LIN7A: variants seen among roughly 807,000 people sequenced by gnomAD.
The protein encoded by LIN7A is protein lin-7 homolog A.
LIN7A carries 25 observed loss-of-function variants against 29.8 expected under a neutral mutation model. That is an observed-to-expected ratio of 0.84 (90% confidence interval 0.61 to 1.17). LIN7A has a LOEUF of 1.17. Among genes scored for constraint, LIN7A ranks in the 50% most tolerant of loss-of-function variants. The pLI, the probability that LIN7A is intolerant of heterozygous loss-of-function variation, is 0.00. For missense variants in LIN7A, 239 were observed against 287.0 expected (o/e 0.83, Z 1.21); for synonymous variants, 118 against 107.5 (o/e 1.10, Z -0.60).
chr12:80,927,094 G>T (rs2120922584), intron 1 of LIN7A, among the ~76,000 whole-genome samples: 1 of 150,018 alleles, frequency 6.7e-6, no homozygotes, highest in African/African-American at 2.4e-5. Flanking sequence ...AAAATGATAT[G>T]GTTTTTCTCC....
At position 80,905,482 on chromosome 12, in the gene LIN7A, C is replaced by T. The variant is rs138028260; in HGVS notation, c.83-16113G>A. On this transcript the variant is annotated intron_variant, in intron 1 of 5. Transcript: ENST00000552864. ...AGATGTTTAAAAATAATAGATAATA[C>T]AGACACAAACATATATAATATATAT... 9.3e-3 allele frequency among the ~76,000 whole-genome samples: 1,414 copies of T among 152,044 alleles called. 15 individuals carry two copies. Among genetic ancestry groups the T allele is most frequent in the Admixed American group, 0.012 (180 of 15,256 alleles).
chr12:80,813,299 C>T (rs1260322009), intron 4 of LIN7A, among the ~76,000 whole-genome samples: 3 of 152,146 alleles, frequency 2.0e-5, no homozygotes, highest in Non-Finnish European at 2.9e-5. Context: ...GCGTAAGCCA[C>T]CGTGCCTGGT....
intron 4 of LIN7A, among the ~76,000 whole-genome samples, chr12:80,831,332 A>C (rs773804796): frequency 7.2e-5 from 11 of 152,252 alleles, no homozygotes; most frequent in South Asian, 4.1e-4. Flanking sequence ...TACTGAAAGC[A>C]GATGAATGTG....
At position 80,795,311 on chromosome 12, in the gene LIN7A, G is replaced by A. The variant is rs1592837578; in HGVS notation, c.*2416C>T. 1 of 151,968 alleles carries A rather than the reference G, an allele frequency of 6.6e-6. No homozygotes were observed. Among genetic ancestry groups the A allele is most frequent in the South Asian group, 2.1e-4 (1 of 4,818 alleles). 9.4% of individuals were successfully genotyped at this position (151,968 alleles called of 1,614,324 possible). On this transcript the variant is annotated 3_prime_UTR_variant, in exon 6 of 6. Coordinates refer to ENST00000552864, the MANE Select transcript of LIN7A (RefSeq NM_004664.4). ...TTTCAACCAACAAGATTTTACTGAA[G>A]GAAAATGGTCATTTGTATATGAGAC...
intron 1 of LIN7A, among the ~76,000 whole-genome samples, chr12:80,901,922 AGTAAAGCTTGAT>A (rs1268675057): frequency 6.6e-6 from 1 of 152,128 alleles, no homozygotes; most frequent in Non-Finnish European, 1.5e-5. Flanking sequence ...TAGAGGGCAA[AGTAAAGCTTGAT>A]GTTTGCAGAA....
intron 2 of LIN7A, among the ~76,000 whole-genome samples, chr12:80,857,218 T>A (rs1175267590): frequency 2.6e-5 from 4 of 152,298 alleles, no homozygotes; most frequent in South Asian, 4.1e-4. Context: ...ATATCTTAGA[T>A]TCAGAGTGGA....
At chr12:80,921,884 G>T (rs1224990863) in intron 1 of LIN7A, among the ~76,000 whole-genome samples, 1 of 152,186 alleles carries the variant, frequency 6.6e-6, no homozygotes, top group Non-Finnish European at 1.5e-5. Flanking sequence ...GCATGTATCT[G>T]TCAAACTCAG....
chr12:80,859,329 G>A (rs1036677157), intron 2 of LIN7A, among the ~76,000 whole-genome samples: 1 of 152,166 alleles, frequency 6.6e-6, no homozygotes, highest in African/African-American at 2.4e-5. Context: ...CATGGTAAAA[G>A]ATGTGGGTGG....
intron 1 of LIN7A, chr12:80,936,667 G>C (rs1426029219): frequency 1.3e-5 from 2 of 152,478 alleles, no homozygotes; most frequent in African/African-American, 4.8e-5. Flanking sequence ...CACACTCAGG[G>C]ACAGGTATAA....
At chr12:80,815,416 G>T (rs1211475892) in intron 4 of LIN7A, among the ~76,000 whole-genome samples, 1 of 152,212 alleles carries the variant, frequency 6.6e-6, no homozygotes, top group Non-Finnish European at 1.5e-5. Context: ...AGCCCTGAAA[G>T]TTCAGCATCT....
intron 1 of LIN7A, chr12:80,936,438 T>C (rs1401065835): frequency 6.6e-6 from 1 of 152,238 alleles, no homozygotes; most frequent in Non-Finnish European, 1.5e-5. Flanking sequence ...AGCAGGATGT[T>C]CTTTTGCCTT....
intron 1 of LIN7A, among the ~76,000 whole-genome samples, chr12:80,902,554 T>G (rs529749346): frequency 6.6e-6 from 1 of 152,294 alleles, no homozygotes; most frequent in African/African-American, 2.4e-5. Flanking sequence ...TGGTTTGTAG[T>G]TCTCCTTGTT....
At chr12:80,920,170 G>A (rs993128732) in intron 1 of LIN7A, among the ~76,000 whole-genome samples, 5 of 152,174 alleles carry the variant, frequency 3.3e-5, no homozygotes, top group Non-Finnish European at 7.3e-5. Flanking sequence ...AAAGCAGCCA[G>A]TAGACAATTT....
chr12:80,809,450 G>T (rs1871187126), intron 5 of LIN7A, among the ~76,000 whole-genome samples: 1 of 152,090 alleles, frequency 6.6e-6, no homozygotes, highest in Non-Finnish European at 1.5e-5. Flanking sequence ...TAGTGTAAAG[G>T]TATCTAACAA....
chr12:80,797,226 C>G lies in LIN7A; in HGVS notation c.*501G>C, dbSNP rs1870490619. 1 of 152,174 alleles carries G rather than the reference C, an allele frequency of 6.6e-6. No individual in the cohort carries two copies. The highest frequency in any genetic ancestry group is 2.4e-5 in the African/African-American group (1 of 41,410). The allele number at this position is 152,174 out of a possible 1,614,324, so 9.4% of individuals were successfully genotyped here. A position where few individuals can be genotyped will look rare whatever the true frequency, so the allele number is the denominator to read the frequency against. Reference sequence around the variant, plus strand: ...TCAAGAGGAAAACAGGTTGAACTTGCAATTAACTGGAATTCCAATTCAGAC... The same window carrying G: ...TCAAGAGGAAAACAGGTTGAACTTGGAATTAACTGGAATTCCAATTCAGAC... On this transcript the variant is annotated 3_prime_UTR_variant, in exon 6 of 6. Transcript: ENST00000552864.
intron 5 of LIN7A, among the ~76,000 whole-genome samples, chr12:80,801,673 C>T (rs939324027): frequency 2.6e-5 from 4 of 152,090 alleles, no homozygotes; most frequent in African/African-American, 9.7e-5. Context: ...ACCACACATA[C>T]TTATTTTTTG....
chr12:80,917,543 T>C (rs1479281941), intron 1 of LIN7A, among the ~76,000 whole-genome samples: 4 of 152,158 alleles, frequency 2.6e-5, no homozygotes, highest in African/African-American at 9.7e-5. Flanking sequence ...AAAATGTTTG[T>C]TTTTTTAAAC....
chr12:80,807,076 T>TTTTTTTTTTTG (rs1565883801), intron 5 of LIN7A, among the ~76,000 whole-genome samples: 4 of 126,042 alleles, frequency 3.2e-5, no homozygotes, highest in Non-Finnish European at 6.5e-5. Flanking sequence ...TTTTTTTTTT[T>TTTTTTTTTTTG]TTTTTTTTTT....
intron 1 of LIN7A, among the ~76,000 whole-genome samples, chr12:80,927,565 C>T (rs369938042): frequency 6.6e-6 from 1 of 152,156 alleles, no homozygotes; most frequent in Admixed American, 6.5e-5. Context: ...TGGGTATTTT[C>T]AGTTAACACA....
Sources: allele counts gnomAD v4.1 joint callset (sites outside exome capture counted in the v4.1 genomes callset), GRCh38; gene constraint gnomAD v4.1.1; transcripts MANE v1.5; gene names NCBI Gene and HGNC (gene_info 2026-07-23, HGNC 2026-07-21).